The following DYNC2H1 variants were observed in gnomAD, a reference collection of about 807,000 sequenced individuals.
The protein encoded by DYNC2H1 is cytoplasmic dynein 2 heavy chain 1.
A neutral mutation model predicts 570.0 loss-of-function variants in DYNC2H1; 410 were observed. That is an observed-to-expected ratio of 0.72 (90% CI 0.66 to 0.78). The LOEUF is 0.78. Among genes scored for constraint, DYNC2H1 ranks in the 30% least tolerant of loss-of-function variants. The pLI is 0.00. For synonymous variants in DYNC2H1, 1,688 were observed against 1,677.6 expected (o/e 1.01, Z -0.15); for missense variants, 4,865 against 5,046.4 (o/e 0.96, Z 1.09).
Position 103,116,632 on chromosome 11 carries a change from G to A in DYNC2H1, c.684G>A (p.Gln228=), listed in dbSNP as rs766394559. 1.2e-6 allele frequency: 2 copies of A among 1,609,972 alleles called. No homozygotes were observed. Among genetic ancestry groups the A allele is most frequent in the Non-Finnish European group, 1.7e-6 (2 of 1,177,652 alleles). ...TTGTTGACTTGGTGGAGACTACTCA[G>A]GATGTTGTAGATGATGTGTGGAGAC... ...LEVVDLVETT[Q]DVVDDVWRQT... is the part of the protein sequence containing the mutation. Residue 228 remains glutamine, a synonymous_variant, in exon 5 of 89, where the codon CAG becomes CAA. Coordinates refer to ENST00000375735, the MANE Select transcript of DYNC2H1 (RefSeq NM_001377.3).
In DYNC2H1 at chr11:103,186,476, G is replaced by C; in HGVS notation, c.6868G>C (p.Val2290Leu). The change falls in exon 42 of 89, where the codon GTA (valine) becomes CTA (leucine). Residue 2290 changes from valine (V) to leucine (L), a missense_variant. This residue lies in a region of DYNC2H1 where 2,401 missense variants were observed against 2,454.6 expected (regional missense o/e 0.98). Coordinates refer to ENST00000375735, the MANE Select transcript of DYNC2H1 (RefSeq NM_001377.3). This position sits in a 1 kb window ranked among gnomAD's most constrained non-coding sequence, Gnocchi z 4.5. The stretch of plus-strand genomic sequence containing the variant: ...TGATACTAAACAGCCCTTTATTCTG[G>C]TAGGACCAGAAGGATGTGGCAAAGG... Reference protein sequence around the residue: ...SSDTKQPFILVGPEGCGKGML... With the variant: ...SSDTKQPFILLGPEGCGKGML... The C allele has an allele frequency of 6.2e-7, 1 of 1,611,530 alleles. No individual in the cohort carries two copies. The highest frequency in any genetic ancestry group is 8.5e-7 in the Non-Finnish European group (1 of 1,178,944).
chr11:103,190,704 A>G (rs1401001830), intron 45 of DYNC2H1, among the ~76,000 whole-genome samples: 1 of 152,144 alleles, frequency 6.6e-6, no homozygotes, highest in Non-Finnish European at 1.5e-5. Context: ...TAAAGATGTT[A>G]AGTAATCAAG....
intron 69 of DYNC2H1, among the ~76,000 whole-genome samples, chr11:103,259,641 T>C (rs539670896): frequency 6.6e-6 from 1 of 152,192 alleles, no homozygotes; most frequent in South Asian, 2.1e-4. Flanking sequence ...ATTCAACTTA[T>C]ATTGTATTAT....
Position 103,148,492 on chromosome 11 carries a change from C to T in DYNC2H1, c.2821C>T (p.His941Tyr). The change falls in exon 20 of 89, where the codon CAT becomes TAT. Residue 941 changes from histidine (H) to tyrosine (Y), a missense_variant and splice_region_variant. This residue lies in a region of DYNC2H1 where 1,936 missense variants were observed against 1,962.1 expected (regional missense o/e 0.99). Coordinates refer to ENST00000375735, the MANE Select transcript of DYNC2H1 (RefSeq NM_001377.3). ...VLSLKKSIQA[H>Y]LHEIDTFVTE... ...TGTATTTCAATGTTACCACTCAGCT[C>T]ATTTACATGAAATTGATACATTTGT... 1.3e-6 allele frequency: 2 copies of T among 1,558,036 alleles called. No homozygotes were observed. The highest frequency in any genetic ancestry group is 1.7e-6 in the Non-Finnish European group (2 of 1,149,918).
In DYNC2H1 at chr11:103,321,161, T is replaced by C. The variant is rs769616176; in HGVS notation, c.11858T>C (p.Ile3953Thr). 36 of 1,612,196 alleles carry C rather than the reference T, an allele frequency of 2.2e-5. No individual in the cohort carries two copies. The highest frequency in any genetic ancestry group is 1.4e-4 in the South Asian group (13 of 90,814). ...YLKQFFNSSVIDVFNQRNKKS... is the reference protein window; with the variant it reads ...YLKQFFNSSVTDVFNQRNKKS... ...AAGCAGTTTTTTAATTCTTCAGTTA[T>C]TGATGTATTCAACCAAAGGAACAAG... Residue 3953 changes from isoleucine (I) to threonine (T), a missense_variant, in exon 81 of 89, where the codon ATT becomes ACT. By Grantham distance (89) the Ile-to-Thr change is moderately conservative. Coordinates refer to ENST00000375735, the MANE Select transcript of DYNC2H1 (RefSeq NM_001377.3).
At chr11:103,113,789 T>C in intron 2 of DYNC2H1, 82 bp downstream of exon 2, 1 of 1,098,962 alleles carries the variant, frequency 9.1e-7, no homozygotes, top group Non-Finnish European at 1.2e-6. Flanking sequence ...TATTTTTTAC[T>C]GTTAATGTTA....
rs566083620 is a variant in DYNC2H1, at chr11:103,158,814, GT to G, written c.4260+11del. On this transcript the variant is annotated splice_donor_region_variant and intron_variant, in intron 27 of 88. Coordinates refer to ENST00000375735, the MANE Select transcript of DYNC2H1 (RefSeq NM_001377.3). ...TCATTAAATGAATTTTTGGAGGCAT[GT>G]TTTTTAAGAAAAAAATATATAATAA... 149 of 1,461,426 alleles carry G rather than the reference GT, an allele frequency of 1.0e-4. No homozygotes were observed. In the African/African-American group the frequency reaches 1.5e-3, roughly 15 times the overall value. The allele number at this position is 1,461,426 out of a possible 1,614,324, so 90.5% of individuals were successfully genotyped here.
In DYNC2H1 at chr11:103,304,724, GATTCAGATAA is replaced by G. The variant is rs769400590; in HGVS notation, c.11382+7_11382+16del. ...TTGGCTGCCAGTTCTGGAAAAGGTA[GATTCAGATAA>G]ATGTACAAATAATATCTATTATACT... On this transcript the variant is annotated splice_donor_5th_base_variant and intron_variant, in intron 77 of 88. Coordinates refer to ENST00000375735, the MANE Select transcript of DYNC2H1 (RefSeq NM_001377.3). The G allele has an allele frequency of 1.5e-4, 243 of 1,608,160 alleles. 1 individual carries two copies. The East Asian group carries it at 2.0e-3, about 13-fold the overall frequency.
intron 87 of DYNC2H1, among the ~76,000 whole-genome samples, chr11:103,458,797 T>A (rs958205351): frequency 1.3e-5 from 2 of 152,108 alleles, no homozygotes; most frequent in Non-Finnish European, 2.9e-5. Flanking sequence ...TAGCCCCTCT[T>A]ACACTATCAT....
Position 103,276,234 on chromosome 11 carries a change from G to T in DYNC2H1, c.10696-4114G>T, listed in dbSNP as rs534750141. 3.9e-5 allele frequency among the ~76,000 whole-genome samples: 6 copies of T among 151,942 alleles called. No homozygotes were observed. In the South Asian group the frequency reaches 1.2e-3, roughly 32 times the overall value. ...ATCCCCAATATATACTTTTATAAAA[G>T]AAATTTTACGTATGTAGGTGTGATT... is the stretch of plus-strand genomic sequence containing the variant. On this transcript the variant is annotated intron_variant, in intron 70 of 88. Coordinates refer to ENST00000375735, the MANE Select transcript of DYNC2H1 (RefSeq NM_001377.3).
chr11:103,400,879 T>C (rs1942609914), intron 84 of DYNC2H1, among the ~76,000 whole-genome samples: 1 of 152,202 alleles, frequency 6.6e-6, no homozygotes, highest in Admixed American at 6.5e-5. Flanking sequence ...AAAAAGAATC[T>C]GTTTTGCATT....
chr11:103,447,896 AAAT>A (rs1314061916), intron 85 of DYNC2H1, among the ~76,000 whole-genome samples: 1 of 152,070 alleles, frequency 6.6e-6, no homozygotes, highest in African/African-American at 2.4e-5. Flanking sequence ...GTTGACATCC[AAAT>A]AATAACCAAC....
At chr11:103,459,057 C>A (rs1285117136) in intron 87 of DYNC2H1, among the ~76,000 whole-genome samples, 1 of 151,580 alleles carries the variant, frequency 6.6e-6, no homozygotes, top group African/African-American at 2.4e-5. Flanking sequence ...CGCCTGTAAT[C>A]CCAGCACTTT....
rs189719185 is a variant in DYNC2H1 at position 103,289,284 on chromosome 11, T to C, written c.11095+1679T>C. 9.1e-4 allele frequency among the ~76,000 whole-genome samples: 138 copies of C among 152,264 alleles called. 3 individuals are homozygous for C. Among genetic ancestry groups the C allele is most frequent in the Non-Finnish European group, 2.6e-4 (18 of 68,020 alleles). ...CCAGTCTCCTGCACAGCTGGCTCTG[T>C]CTTGGTAAATCAACTCTGTCTAGGC... On this transcript the variant is annotated intron_variant, in intron 75 of 88. Transcript: ENST00000375735. This position sits in a 1 kb window ranked among gnomAD's most constrained non-coding sequence, Gnocchi z 4.2.
At chr11:103,225,090 A>T (rs1380103016) in intron 59 of DYNC2H1, among the ~76,000 whole-genome samples, 2 of 151,766 alleles carry the variant, frequency 1.3e-5, no homozygotes, top group Non-Finnish European at 2.9e-5. Context: ...CCACTTTTTG[A>T]TGGAGTCGTT....
intron 85 of DYNC2H1, among the ~76,000 whole-genome samples, chr11:103,447,834 A>T (rs959739354): frequency 1.3e-5 from 2 of 152,016 alleles, no homozygotes; most frequent in Non-Finnish European, 2.9e-5. Context: ...TTAATTCAAG[A>T]TTTGAGTTTT....
At position 103,423,000 on chromosome 11, in the gene DYNC2H1, T is replaced by A. The variant is rs141379373; in HGVS notation, c.12367-12943T>A. On this transcript the variant is annotated intron_variant, in intron 84 of 88. Coordinates refer to ENST00000375735, the MANE Select transcript of DYNC2H1 (RefSeq NM_001377.3). ...GGATTTTTTTGTAAGTATTGGCAAT[T>A]TGAGTCTATTTTTTTTTCTTTTTGC... Among the ~76,000 whole-genome samples the A allele has an allele frequency of 1.9e-3, 290 of 152,210 alleles. 2 individuals carry two copies. The highest frequency in any genetic ancestry group is 6.5e-3 in the African/African-American group (272 of 41,536).
Position 103,479,269 on chromosome 11 carries a change from A to G in DYNC2H1, c.*16A>G. The G allele has an allele frequency of 6.2e-7, 1 of 1,602,780 alleles. No homozygotes were observed. Among genetic ancestry groups the G allele is most frequent in the Non-Finnish European group, 8.5e-7 (1 of 1,173,226 alleles). On this transcript the variant is annotated 3_prime_UTR_variant, in exon 89 of 89. Coordinates refer to ENST00000375735, the MANE Select transcript of DYNC2H1 (RefSeq NM_001377.3). ...AAATCAGTAGAATCTAATGACAACA[A>G]AAGCCATCTTCACAAAAGGGAACAT...
intron 67 of DYNC2H1, 129 bp downstream of exon 67, chr11:103,255,663 A>G: frequency 3.2e-6 from 3 of 937,794 alleles, no homozygotes; most frequent in Non-Finnish European, 3.0e-6. Flanking sequence ...TGTATATCTT[A>G]CAGTCAAAAT....
Sources: gnomAD v4.1 joint callset for allele counts (sites outside exome capture counted in the v4.1 genomes callset) on GRCh38, gnomAD v4.1.1 for gene constraint, gnomAD v4.1.1 regional missense constraint, Gnocchi (gnomAD v3.1) non-coding constraint, MANE v1.5 for transcripts, NCBI Gene and HGNC (gene_info 2026-07-23, HGNC 2026-07-21) for gene names.